Variants in TGFBRAP1 observed in about 807,000 individuals in gnomAD.
TGFBRAP1 encodes the protein transforming growth factor beta receptor associated protein 1.
TGFBRAP1 carries 20 observed loss-of-function variants against 83.2 expected under a neutral mutation model. The observed-to-expected ratio is 0.24, with a 90% CI of 0.17 to 0.35. The LOEUF (loss-of-function observed/expected upper bound fraction) is 0.35, where lower values mean the gene tolerates loss of function less well. TGFBRAP1 is among the 10% of genes least tolerant of loss of function. TGFBRAP1 has a pLI of 1.00. For missense variants in TGFBRAP1, 950 were observed against 1,099.4 expected, an observed-to-expected ratio of 0.86 and a Z score of 1.92; for synonymous variants, 415 against 459.8, an observed-to-expected ratio of 0.90 and a Z score of 1.25.
intron 7 of TGFBRAP1, 113 bp from the exon 8 acceptor site, chr2:105,275,816 T>C (rs1267973596): frequency 3.5e-6 from 4 of 1,148,732 alleles, no homozygotes; most frequent in Non-Finnish European, 3.5e-6. Flanking sequence ...GGCTTTTTAA[T>C]ACCTTTTAAA....
intron 1 of TGFBRAP1, among the ~76,000 whole-genome samples, chr2:105,309,898 G>A (rs1678637821): frequency 6.6e-6 from 1 of 152,136 alleles, no homozygotes; most frequent in African/African-American, 2.4e-5. Context: ...CCTTATTAAA[G>A]AGGCCCCAGA....
chr2:105,268,269 C>A (rs1158117824), intron 11 of TGFBRAP1, among the ~76,000 whole-genome samples: 1 of 152,164 alleles, frequency 6.6e-6, no homozygotes, highest in African/African-American at 2.4e-5. Context: ...TTCGACATGG[C>A]AGGCTTAGCC....
At chr2:105,301,243 T>C (rs1049314819) in intron 2 of TGFBRAP1, among the ~76,000 whole-genome samples, 3 of 151,506 alleles carry the variant, frequency 2.0e-5, no homozygotes, top group African/African-American at 7.3e-5. Flanking sequence ...AATAAATAAA[T>C]AATTTAAAGA....
At chr2:105,272,338 G>A (rs1231290580) in intron 10 of TGFBRAP1, among the ~76,000 whole-genome samples, 4 of 152,176 alleles carry the variant, frequency 2.6e-5, no homozygotes, top group Non-Finnish European at 4.4e-5. Context: ...GGAATGGGTC[G>A]CTGGGGGCAG....
At chr2:105,326,656 T>C (rs1450282417) in intron 1 of TGFBRAP1, among the ~76,000 whole-genome samples, 1 of 151,948 alleles carries the variant, frequency 6.6e-6, no homozygotes, top group East Asian at 1.9e-4. Flanking sequence ...AAGATGGAGG[T>C]TGCAGTGAGC....
chr2:105,316,526 A>G (rs1402613922), intron 1 of TGFBRAP1, among the ~76,000 whole-genome samples: 1 of 151,254 alleles, frequency 6.6e-6, no homozygotes, highest in Non-Finnish European at 1.5e-5. Context: ...CACATGGCAG[A>G]CTGGGAGCAG....
chr2:105,310,133 CT>C (rs1342616929), intron 1 of TGFBRAP1, among the ~76,000 whole-genome samples: 1 of 152,164 alleles, frequency 6.6e-6, no homozygotes, highest in African/African-American at 2.4e-5. Flanking sequence ...CCTCAACTGC[CT>C]CATCTGTGAA....
In TGFBRAP1 at chr2:105,299,174, G is replaced by A. The variant is rs6752669; in HGVS notation, c.689-469C>T. On this transcript the variant is annotated intron_variant, in intron 2 of 11. Coordinates refer to ENST00000393359, the MANE Select transcript of TGFBRAP1 (RefSeq NM_004257.6). ...TGCACATCTGTAGTCCCAGCTACTCGGGAGGCTAAGGTGGAAAGATCACTT... is the reference window on the plus strand; with the variant it reads ...TGCACATCTGTAGTCCCAGCTACTCAGGAGGCTAAGGTGGAAAGATCACTT... 2.9e-3 allele frequency among the ~76,000 whole-genome samples: 443 copies of A among 151,952 alleles called. 2 individuals carry two copies. Among genetic ancestry groups the A allele is most frequent in the African/African-American group, 0.01 (417 of 41,446 alleles).
chr2:105,301,584 C>CA (rs531235403), intron 2 of TGFBRAP1, among the ~76,000 whole-genome samples: 37 of 150,592 alleles, frequency 2.5e-4, no homozygotes, highest in Admixed American at 7.9e-4. Flanking sequence ...TAGACTCTCT[C>CA]AAAAAAAAGA....
At chr2:105,297,156 C>T (rs1444859716) in intron 3 of TGFBRAP1, among the ~76,000 whole-genome samples, 1 of 152,198 alleles carries the variant, frequency 6.6e-6, no homozygotes, top group Non-Finnish European at 1.5e-5. Flanking sequence ...GCTCCTACTA[C>T]TAAGCTTCCA....
Position 105,307,646 on chromosome 2 carries a change from T to C in TGFBRAP1, c.656A>G (p.Gln219Arg). ...TCCGGGGCCCGCCAGCAGGAACTCC[T>C]GTCTCCCTATCCTCTTGACGATCGG... Reference protein sequence around the residue: ...RPPIVKRIGRQEFLLAGPGGL... With the variant: ...RPPIVKRIGRREFLLAGPGGL... The change falls in exon 2 of 12, where the codon CAG (glutamine) becomes CGG (arginine). Residue 219 changes from glutamine (Q) to arginine (R), a missense_variant. Gln to Arg is a conservative substitution (Grantham distance 43). Coordinates refer to ENST00000393359, the MANE Select transcript of TGFBRAP1 (RefSeq NM_004257.6). The C allele has an allele frequency of 1.2e-6, 2 of 1,613,706 alleles. No individual in the cohort carries two copies. Among genetic ancestry groups the C allele is most frequent in the Non-Finnish European group, 1.7e-6 (2 of 1,179,868 alleles).
the TGFBRAP1 span, among the ~76,000 whole-genome samples, chr2:105,256,137 A>C: frequency 6.6e-6 from 1 of 152,350 alleles, no homozygotes; most frequent in East Asian, 1.9e-4. Flanking sequence ...TGACTATGCA[A>C]AGCTCAAGAT....
intron 1 of TGFBRAP1, among the ~76,000 whole-genome samples, chr2:105,327,508 C>A (rs1348774458): frequency 1.3e-5 from 2 of 152,106 alleles, no homozygotes; most frequent in African/African-American, 2.4e-5. Flanking sequence ...ATCAAGACTG[C>A]AGTGAGCCAT....
At chr2:105,286,453 G>A (rs1228360583) in intron 4 of TGFBRAP1, among the ~76,000 whole-genome samples, 1 of 152,178 alleles carries the variant, frequency 6.6e-6, no homozygotes, top group East Asian at 1.9e-4. Context: ...AAAACCTGGA[G>A]CCAGGTAGGC....
rs1676855664 is a variant in TGFBRAP1, at chr2:105,264,513, T to A, written c.*2870A>T. 6.6e-6 allele frequency: 1 copy of A among 152,252 alleles called. No homozygotes were observed. The highest frequency in any genetic ancestry group is 2.1e-4 in the South Asian group (1 of 4,834). The allele number at this position is 152,252 out of a possible 1,614,324, so 9.4% of individuals were successfully genotyped here. ...AGTTTACATTTGTACATTTTGTGTATCTGGGACCCAATCGGGACAAAGGAT... is the reference window on the plus strand; with the variant it reads ...AGTTTACATTTGTACATTTTGTGTAACTGGGACCCAATCGGGACAAAGGAT... On this transcript the variant is annotated 3_prime_UTR_variant, in exon 12 of 12. Transcript: ENST00000393359.
chr2:105,262,311 C>T (rs1676807688), downstream of TGFBRAP1, among the ~76,000 whole-genome samples: 1 of 152,148 alleles, frequency 6.6e-6, no homozygotes, highest in Non-Finnish European at 1.5e-5. Flanking sequence ...AGTGAGTTCT[C>T]ACTCTGTTAG....
At chr2:105,327,813 G>C (rs1275462420) in intron 1 of TGFBRAP1, among the ~76,000 whole-genome samples, 1 of 152,146 alleles carries the variant, frequency 6.6e-6, no homozygotes, top group Non-Finnish European at 1.5e-5. Flanking sequence ...ACAATCATGA[G>C]TGTAGAAGAA....
At chr2:105,277,521 T>G in intron 7 of TGFBRAP1, 93 bp downstream of exon 7, 4 of 1,024,634 alleles carry the variant, frequency 3.9e-6, no homozygotes, top group Non-Finnish European at 4.2e-6. Flanking sequence ...GCAAAAGTGG[T>G]CTCTATCAAC....
At position 105,314,898 on chromosome 2, in the gene TGFBRAP1, C is replaced by T. The variant is rs986907241; in HGVS notation, c.-17-6580G>A. ...CCAGGAGGCAGAGCTTGCAGTGAAC[C>T]GAGATCGCACCACTGCACTCCAGCC... On this transcript the variant is annotated intron_variant, in intron 1 of 11. Transcript: ENST00000393359. Among the ~76,000 whole-genome samples the T allele has an allele frequency of 3.4e-4, 50 of 147,082 alleles. 1 individual carries two copies. The highest frequency in any genetic ancestry group is 1.9e-3 in the Admixed American group (28 of 14,378).
Sources: gnomAD v4.1 joint callset for allele counts (sites outside exome capture counted in the v4.1 genomes callset) on GRCh38, gnomAD v4.1.1 for gene constraint, MANE v1.5 for transcripts, NCBI Gene and HGNC (gene_info 2026-07-23, HGNC 2026-07-21) for gene names.